ZNF385D: variants seen among roughly 807,000 people sequenced by gnomAD.
The protein encoded by ZNF385D is zinc finger protein 659.
Under a neutral mutation model 35.8 loss-of-function variants are expected in ZNF385D, and 15 were observed. The ratio of observed to expected loss-of-function variants is 0.42; its 90% CI spans 0.28 to 0.64. The LOEUF (loss-of-function observed/expected upper bound fraction) is 0.64, where lower values mean the gene tolerates loss of function less well. Ranked by LOEUF, ZNF385D falls within the 30% of genes least tolerant of loss-of-function variation. The pLI is 0.23. For synonymous variants in ZNF385D, 212 were observed against 186.8 expected (o/e 1.13, Z -1.10); for missense variants, 474 against 494.6 (o/e 0.96, Z 0.39).
chr3:22,140,771 A>T lies in ZNF385D; in HGVS notation c.325+28046T>A, dbSNP rs563655894. On this transcript the variant is annotated intron_variant, in intron 3 of 5. Transcript: ENST00000494108. ...TACATTTTGTGGGAAAATTTGAATC[A>T]ATATAAATTCTCAAGGTATGGCCAT... 2.0e-5 allele frequency among the ~76,000 whole-genome samples: 3 copies of T among 152,348 alleles called. No homozygotes were observed. In the South Asian group the frequency reaches 6.2e-4, roughly 32 times the overall value.
At chr3:21,572,470 C>T (rs1296009843) in intron 2 of ZNF385D, among the ~76,000 whole-genome samples, 2 of 152,056 alleles carry the variant, frequency 1.3e-5, no homozygotes, top group Non-Finnish European at 2.9e-5. Flanking sequence ...CAAGTATGTA[C>T]CTTGACATGC....
chr3:21,862,229 A>T (rs1384337911), intron 3 of ZNF385D, among the ~76,000 whole-genome samples: 1 of 152,004 alleles, frequency 6.6e-6, no homozygotes, highest in African/African-American at 2.4e-5. Context: ...GATTAGGGAT[A>T]GAAACAGCCC....
chr3:22,311,288 A>C (rs1703534114), intron 2 of ZNF385D, among the ~76,000 whole-genome samples: 1 of 152,026 alleles, frequency 6.6e-6, no homozygotes, highest in Non-Finnish European at 1.5e-5. Context: ...TACAGAGTGA[A>C]ACACAAAACG....
intron 2 of ZNF385D, among the ~76,000 whole-genome samples, chr3:22,334,506 T>G (rs1026393198): frequency 6.6e-6 from 1 of 152,194 alleles, no homozygotes; most frequent in African/African-American, 2.4e-5. Flanking sequence ...TCTCTGAGCT[T>G]CTTTCTAGTA....
At chr3:21,654,099 A>T (rs1423139865) in intron 2 of ZNF385D, among the ~76,000 whole-genome samples, 1 of 146,640 alleles carries the variant, frequency 6.8e-6, no homozygotes, top group Non-Finnish European at 1.5e-5. Context: ...CCTTCCATTT[A>T]AAAAAAAAAC....
intron 3 of ZNF385D, among the ~76,000 whole-genome samples, chr3:21,993,317 A>T (rs1461161301): frequency 6.6e-6 from 1 of 152,182 alleles, no homozygotes. Context: ...GAGTTGTTTT[A>T]AAAAAGTTTC....
chr3:21,701,400 C>G (rs993077761), intron 1 of ZNF385D, among the ~76,000 whole-genome samples: 1 of 152,172 alleles, frequency 6.6e-6, no homozygotes, highest in Non-Finnish European at 1.5e-5. Flanking sequence ...ACGGGAAAGA[C>G]TGGGACCCAT....
intron 2 of ZNF385D, among the ~76,000 whole-genome samples, chr3:22,175,591 T>G (rs1421112509): frequency 1.3e-5 from 2 of 151,998 alleles, no homozygotes; most frequent in Admixed American, 6.6e-5. Context: ...GGCAAATATT[T>G]TTAAATCTCA....
intron 3 of ZNF385D, among the ~76,000 whole-genome samples, chr3:21,811,630 G>C (rs1273963935): frequency 2.6e-5 from 4 of 152,024 alleles, no homozygotes; most frequent in Non-Finnish European, 4.4e-5. Context: ...AATAAAAGCA[G>C]CTAGCATTTA....
At position 21,442,847 on chromosome 3, in the gene ZNF385D, G is replaced by A. The variant is rs138942652; in HGVS notation, c.440-5644C>T. Among the ~76,000 whole-genome samples the A allele has an allele frequency of 2.7e-5, 4 of 150,832 alleles. No individual in the cohort carries two copies. In the East Asian group the frequency reaches 8.0e-4, roughly 30 times the overall value. On this transcript the variant is annotated intron_variant, in intron 4 of 7. Coordinates refer to ENST00000281523, the MANE Select transcript of ZNF385D (RefSeq NM_024697.3). ...TATGAGTGTATATGTCTATGTGTAT[G>A]CATGTGCATGTATGGCTATATGTGT...
intron 3 of ZNF385D, among the ~76,000 whole-genome samples, chr3:21,546,905 C>T (rs549006964): frequency 1.3e-5 from 2 of 151,824 alleles, no homozygotes; most frequent in Admixed American, 6.6e-5. Context: ...CGCTGGAGCT[C>T]GTGGATGCAA....
chr3:22,013,102 G>A (rs1318330662), intron 3 of ZNF385D, among the ~76,000 whole-genome samples: 1 of 152,052 alleles, frequency 6.6e-6, no homozygotes, highest in Non-Finnish European at 1.5e-5. Context: ...ACCCCAAAGA[G>A]CTAAGAAATT....
At position 22,104,951 on chromosome 3, in the gene ZNF385D, C is replaced by G. The variant is rs1267965067; in HGVS notation, c.325+63866G>C. ...AATGTTTTACTGAAGCTTGTTGCAA[C>G]TTGCCACAACGTCTTTACATTGACC... On this transcript the variant is annotated intron_variant, in intron 3 of 5. Transcript: ENST00000494108. Among the ~76,000 whole-genome samples, 4 of 152,228 alleles carry G rather than the reference C, an allele frequency of 2.6e-5. No individual in the cohort carries two copies. In the East Asian group the frequency reaches 7.7e-4, roughly 29 times the overall value.
chr3:21,950,361 A>G (rs1253690092), intron 3 of ZNF385D, among the ~76,000 whole-genome samples: 1 of 151,756 alleles, frequency 6.6e-6, no homozygotes, highest in Non-Finnish European at 1.5e-5. Context: ...TTCTTTTGAG[A>G]AGTATCTCTT....
rs2065740319 is a variant in ZNF385D at position 21,646,002 on chromosome 3, A to G, written c.165+18884T>C. ...TTCCAAGAATGGAGTTTAAATGAGC[A>G]TTGTGTAAAAAGCTCATTCAAAGAA... is the stretch of plus-strand genomic sequence containing the variant. On this transcript the variant is annotated intron_variant, in intron 2 of 7. Transcript: ENST00000281523. This position sits in a 1 kb window ranked among gnomAD's most constrained non-coding sequence, Gnocchi z 4.3. Among the ~76,000 whole-genome samples the G allele has an allele frequency of 6.6e-6, 1 of 152,200 alleles. No homozygotes were observed. The highest frequency in any genetic ancestry group is 2.4e-5 in the African/African-American group (1 of 41,464).
chr3:21,807,450 G>A (rs1304941802), intron 3 of ZNF385D, among the ~76,000 whole-genome samples: 2 of 151,958 alleles, frequency 1.3e-5, no homozygotes, highest in Admixed American at 6.5e-5. Context: ...GATTTGACTC[G>A]CCAAGTTTAA....
intron 4 of ZNF385D, among the ~76,000 whole-genome samples, chr3:21,509,929 C>A (rs1707077923): frequency 6.6e-6 from 1 of 152,142 alleles, no homozygotes; most frequent in Non-Finnish European, 1.5e-5. Flanking sequence ...ATAAGGTTGT[C>A]GTAATCTATT....
intron 2 of ZNF385D, among the ~76,000 whole-genome samples, chr3:21,609,869 A>AT (rs1278922927): frequency 6.6e-6 from 1 of 152,208 alleles, no homozygotes. Context: ...TAGAGAGGAG[A>AT]TAAAAACTAA....
rs935137053 is a variant in ZNF385D, at chr3:22,081,647, T to C, written c.325+87170A>G. On this transcript the variant is annotated intron_variant, in intron 3 of 5. Transcript: ENST00000494108. ...CACAGTAAGCTGGGACCAAAGCCTG[T>C]CATCTACCCTGTTTTTTACAAGTCA... 1.1e-4 allele frequency among the ~76,000 whole-genome samples: 17 copies of C among 152,152 alleles called. 1 individual carries two copies. The highest frequency in any genetic ancestry group is 1.1e-3 in the Admixed American group (17 of 15,254).
Sources: allele counts gnomAD v4.1 joint callset (sites outside exome capture counted in the v4.1 genomes callset), GRCh38; gene constraint gnomAD v4.1.1; non-coding constraint Gnocchi (gnomAD v3.1); transcripts MANE v1.5; gene names NCBI Gene and HGNC (gene_info 2026-07-23, HGNC 2026-07-21).